The following DYNC1LI2 variants were observed in gnomAD, a reference collection of about 807,000 sequenced individuals.
DYNC1LI2 encodes the protein cytoplasmic dynein 1 light intermediate chain 2.
DYNC1LI2 carries 19 observed loss-of-function variants against 57.8 expected under a neutral mutation model. That is an observed-to-expected ratio of 0.33 (90% CI 0.23 to 0.48). DYNC1LI2 has a LOEUF of 0.48. Among genes scored for constraint, DYNC1LI2 ranks in the 20% least tolerant of loss-of-function variants. The probability of loss-of-function intolerance (pLI) is 0.99; values close to 1 mark genes in which losing one functional copy is unlikely to be tolerated. For missense variants in DYNC1LI2, 470 were observed against 604.2 expected (o/e 0.78, Z 2.33); for synonymous variants, 256 against 233.4 (o/e 1.10, Z -0.88).
Position 66,750,175 on chromosome 16 carries a change from GTTCT to G in DYNC1LI2, c.182-866_182-863del, listed in dbSNP as rs1398530681. On this transcript the variant is annotated intron_variant, in intron 2 of 12. Coordinates refer to ENST00000258198, the MANE Select transcript of DYNC1LI2 (RefSeq NM_006141.3). ...GAGCTACTGTCCCTCTGCAGGCAGC[GTTCT>G]TTCTAAAACTCAGATCTGGTGATCT... is the stretch of plus-strand genomic sequence containing the variant. Among the ~76,000 whole-genome samples the G allele has an allele frequency of 3.9e-5, 6 of 152,246 alleles. No homozygotes were observed. In the East Asian group the frequency reaches 1.2e-3, roughly 29 times the overall value.
chr16:66,723,468 T>C lies in DYNC1LI2; in HGVS notation c.*254A>G. 1.7e-6 allele frequency: 1 copy of C among 586,628 alleles called. No homozygotes were observed. Among genetic ancestry groups the C allele is most frequent in the Non-Finnish European group, 3.2e-6 (1 of 312,604 alleles). The allele number at this position is 586,628 out of a possible 1,614,324, so 36.3% of individuals were successfully genotyped here. On this transcript the variant is annotated 3_prime_UTR_variant, in exon 13 of 13. Coordinates refer to ENST00000258198, the MANE Select transcript of DYNC1LI2 (RefSeq NM_006141.3). ...CCTTCCCCTCCACAAGAAGCCCAGA[T>C]GTGCTTGCCTCCCACAAAAGAGCCA...
chr16:66,741,504 C>T (rs1047580780), intron 4 of DYNC1LI2, among the ~76,000 whole-genome samples: 1 of 152,210 alleles, frequency 6.6e-6, no homozygotes, highest in Non-Finnish European at 1.5e-5. Flanking sequence ...GGACAGAAAA[C>T]ACACTGCGAG....
chr16:66,737,535 A>G (rs925363353), intron 4 of DYNC1LI2, among the ~76,000 whole-genome samples: 4 of 149,458 alleles, frequency 2.7e-5, no homozygotes, highest in Non-Finnish European at 4.4e-5. Context: ...ATTGAATTTT[A>G]TAAGAACATG....
In DYNC1LI2 at chr16:66,736,205, CCTT is replaced by C. The variant is rs1327001683; in HGVS notation, c.566_568del (p.Glu189del). On this transcript the variant is annotated inframe_deletion, in exon 5 of 13. Transcript: ENST00000258198. ...TCTTCTCTGTGGGGAACCTTGACAA[CCTT>C]CTTCAGGTTCCATATAGTCTTGAAA... 1.2e-6 allele frequency: 2 copies of C among 1,614,088 alleles called. No individual in the cohort carries two copies. Among genetic ancestry groups the C allele is most frequent in the Admixed American group, 1.7e-5 (1 of 60,006 alleles).
At position 66,723,713 on chromosome 16, in the gene DYNC1LI2, T is replaced by C. The variant is rs145329067; in HGVS notation, c.*9A>G. 1.6e-4 allele frequency: 254 copies of C among 1,597,896 alleles called. 4 individuals carry two copies. In the African/African-American group the frequency reaches 2.8e-3, roughly 18 times the overall value. On this transcript the variant is annotated 3_prime_UTR_variant, in exon 13 of 13. Coordinates refer to ENST00000258198, the MANE Select transcript of DYNC1LI2 (RefSeq NM_006141.3). ...TTGGTCATTCGACATATGCACTTTT[T>C]AAGGAGGTTCAGGCTTCATTTTCTG...
chr16:66,735,100 G>GTTTTTTTTTTTTTTTTTTTTTTTTT (rs71145936), intron 5 of DYNC1LI2, among the ~76,000 whole-genome samples: 2 of 134,832 alleles, frequency 1.5e-5, no homozygotes, highest in Non-Finnish European at 1.6e-5. Flanking sequence ...AACTTTGTTT[G>GTTTTTTTTTTTTTTTTTTTTTTTTT]TTTTTTTTTT....
intron 4 of DYNC1LI2, 107 bp from the exon 5 acceptor site, chr16:66,736,351 T>G: frequency 7.4e-7 from 1 of 1,343,322 alleles, no homozygotes; most frequent in Non-Finnish European, 1.0e-6. Flanking sequence ...CAGGCAGTTG[T>G]GTGTGACAAA....
Position 66,723,632 on chromosome 16 carries a change from T to C in DYNC1LI2, c.*90A>G. The C allele has an allele frequency of 8.7e-7, 1 of 1,147,020 alleles. No homozygotes were observed. Among genetic ancestry groups the C allele is most frequent in the Non-Finnish European group, 1.2e-6 (1 of 807,858 alleles). 71.1% of individuals were successfully genotyped at this position (1,147,020 alleles called of 1,614,324 possible). The stretch of plus-strand genomic sequence containing the variant: ...CATCTCCCCTGCCCCAAAAAACTGA[T>C]AGCATGTGCCATATCAGAAAAATCC... On this transcript the variant is annotated 3_prime_UTR_variant, in exon 13 of 13. Transcript: ENST00000258198.
chr16:66,748,249 G>C (rs1229098280), intron 3 of DYNC1LI2, among the ~76,000 whole-genome samples: 1 of 123,506 alleles, frequency 8.1e-6, no homozygotes, highest in African/African-American at 3.2e-5. Flanking sequence ...CTGCACCCCA[G>C]CCTGGGTGAC....
chr16:66,743,555 C>T (rs546043451), intron 3 of DYNC1LI2, among the ~76,000 whole-genome samples: 15 of 80,574 alleles, frequency 1.9e-4, no homozygotes, highest in South Asian at 1.6e-3. Flanking sequence ...AGTGAGACTC[C>T]ATCTCAAAAA....
intron 5 of DYNC1LI2, among the ~76,000 whole-genome samples, chr16:66,734,600 T>C (rs2017698329): frequency 6.6e-6 from 1 of 151,878 alleles, no homozygotes; most frequent in Admixed American, 6.6e-5. Flanking sequence ...TGTACACAGT[T>C]GTACACTCCA....
chr16:66,745,198 G>A (rs910888663), intron 3 of DYNC1LI2, among the ~76,000 whole-genome samples: 6 of 152,096 alleles, frequency 3.9e-5, no homozygotes, highest in African/African-American at 1.4e-4. Flanking sequence ...CACCGTGCCC[G>A]GCAGAACTAT....
intron 10 of DYNC1LI2, 71 bp downstream of exon 10, chr16:66,728,130 A>C: frequency 6.3e-7 from 1 of 1,593,312 alleles, no homozygotes; most frequent in East Asian, 2.2e-5. Flanking sequence ...CGCTCTCACA[A>C]ATAATGGTAT....
intron 3 of DYNC1LI2, among the ~76,000 whole-genome samples, chr16:66,743,161 CAAAACA>C (rs570073324): frequency 1.6e-3 from 232 of 148,072 alleles, no homozygotes; most frequent in East Asian, 4.8e-3. Context: ...GAGTCCATCT[CAAAACA>C]AAAACAAAAA....
chr16:66,721,570 A>G lies in DYNC1LI2; in HGVS notation c.*2152T>C, dbSNP rs1173410349. The G allele has an allele frequency of 6.6e-6, 1 of 152,582 alleles. No individual in the cohort carries two copies. Among genetic ancestry groups the G allele is most frequent in the African/African-American group, 2.4e-5 (1 of 41,434 alleles). 9.5% of individuals were successfully genotyped at this position (152,582 alleles called of 1,614,324 possible). ...CCCAAAAAGAACCCTGCAGCTCCCCAAAGTTGGTAGACTTTGGCAACCACT... is the reference window on the plus strand; with the variant it reads ...CCCAAAAAGAACCCTGCAGCTCCCCGAAGTTGGTAGACTTTGGCAACCACT... On this transcript the variant is annotated 3_prime_UTR_variant, in exon 13 of 13. Coordinates refer to ENST00000258198, the MANE Select transcript of DYNC1LI2 (RefSeq NM_006141.3).
At chr16:66,733,965 A>C in intron 6 of DYNC1LI2, 1 of 408,464 alleles carries the variant, frequency 2.4e-6, no homozygotes. Context: ...ATTTGAGACT[A>C]GCCTGGCCAA....
At chr16:66,736,341 C>G in intron 4 of DYNC1LI2, 97 bp from the exon 5 acceptor site, 2 of 1,405,192 alleles carry the variant, frequency 1.4e-6, no homozygotes, top group Admixed American at 4.6e-5. Context: ...GCACAAAACA[C>G]AGGCAGTTGT....
rs556134457 is a variant in DYNC1LI2, at chr16:66,723,451, T to A, written c.*271A>T. ...CTCTTTCTTTCACTCTACCTTCCCC[T>A]CCACAAGAAGCCCAGATGTGCTTGC... On this transcript the variant is annotated 3_prime_UTR_variant, in exon 13 of 13. Coordinates refer to ENST00000258198, the MANE Select transcript of DYNC1LI2 (RefSeq NM_006141.3). The A allele has an allele frequency of 1.8e-6, 1 of 562,660 alleles. No homozygotes were observed. The highest frequency in any genetic ancestry group is 1.9e-5 in the African/African-American group (1 of 53,962). 34.9% of individuals were successfully genotyped at this position (562,660 alleles called of 1,614,324 possible). A position where few individuals can be genotyped will look rare whatever the true frequency, so the allele number is the denominator to read the frequency against.
chr16:66,734,938 A>C (rs1723373334), intron 5 of DYNC1LI2, among the ~76,000 whole-genome samples: 1 of 127,976 alleles, frequency 7.8e-6, no homozygotes, highest in South Asian at 2.8e-4. Flanking sequence ...CAGAGGTTGC[A>C]GTGAGCCGAG....
Sources: allele counts gnomAD v4.1 joint callset (sites outside exome capture counted in the v4.1 genomes callset), GRCh38; gene constraint gnomAD v4.1.1; transcripts MANE v1.5; gene names NCBI Gene and HGNC (gene_info 2026-07-23, HGNC 2026-07-21).